Variants in REEP3 observed in about 807,000 individuals in gnomAD.
REEP3 encodes the protein receptor accessory protein 3.
In REEP3, 20 loss-of-function variants were observed where a neutral mutation model predicts 41.3. That is an observed-to-expected ratio of 0.48 (90% CI 0.34 to 0.70). REEP3 has a LOEUF of 0.70. REEP3 is among the 30% of genes least tolerant of loss of function. REEP3 has a pLI of 0.01. For synonymous variants in REEP3, 104 were observed against 101.8 expected (o/e 1.02, Z -0.13); for missense variants, 271 against 308.8 (o/e 0.88, Z 0.92).
Position 63,574,118 on chromosome 10 carries a change from C to G in REEP3, c.105+7708C>G, listed in dbSNP as rs1260163347. 2.6e-5 allele frequency among the ~76,000 whole-genome samples: 4 copies of G among 152,286 alleles called. No individual in the cohort carries two copies. The East Asian group carries it at 7.7e-4, about 29-fold the overall frequency. ...CTAGTTCAAACTCTTTTATCTGAAT[C>G]TTTTAGCATTTATTGCCATATTCCA... is the stretch of plus-strand genomic sequence containing the variant. On this transcript the variant is annotated intron_variant, in intron 2 of 7. Transcript: ENST00000373758.
chr10:63,605,065 C>G (rs1356120979), intron 5 of REEP3, among the ~76,000 whole-genome samples: 1 of 151,920 alleles, frequency 6.6e-6, no homozygotes, highest in Non-Finnish European at 1.5e-5. Flanking sequence ...ACAGGACGTT[C>G]CCCACAACAA....
At chr10:63,527,277 A>G (rs1955373866) in intron 1 of REEP3, among the ~76,000 whole-genome samples, 1 of 151,876 alleles carries the variant, frequency 6.6e-6, no homozygotes, top group African/African-American at 2.4e-5. Context: ...CCAACATGCT[A>G]TTACTTCTCC....
At chr10:63,529,342 C>A (rs1297940425) in intron 1 of REEP3, among the ~76,000 whole-genome samples, 1 of 152,074 alleles carries the variant, frequency 6.6e-6, no homozygotes, top group Non-Finnish European at 1.5e-5. Context: ...ACCTTGGTAA[C>A]CTAGCTAAAA....
intron 1 of REEP3, among the ~76,000 whole-genome samples, chr10:63,548,977 G>GT (rs1007833362): frequency 1.4e-3 from 205 of 146,300 alleles, no homozygotes; most frequent in Middle Eastern, 3.6e-3. Context: ...TGCCCTTTGA[G>GT]TTTTTTTTTT....
intron 1 of REEP3, among the ~76,000 whole-genome samples, chr10:63,563,846 GT>G (rs1002423488): frequency 5.9e-5 from 9 of 152,052 alleles, no homozygotes; most frequent in African/African-American, 2.2e-4. Flanking sequence ...GACCTCTGTG[GT>G]TTTCCTCCCG....
At chr10:63,606,050 A>G in intron 5 of REEP3, 1 of 718,540 alleles carries the variant, frequency 1.4e-6, no homozygotes, top group Non-Finnish European at 1.7e-6. Flanking sequence ...TCTACAGAAT[A>G]CTTAATTACC....
At chr10:63,528,771 G>A (rs907245730) in intron 1 of REEP3, among the ~76,000 whole-genome samples, 1 of 151,916 alleles carries the variant, frequency 6.6e-6, no homozygotes, top group East Asian at 1.9e-4. Context: ...TAAGACCTGA[G>A]AGCCTGGGCA....
At chr10:63,564,048 C>T (rs1421284216) in intron 1 of REEP3, among the ~76,000 whole-genome samples, 3 of 152,094 alleles carry the variant, frequency 2.0e-5, no homozygotes, top group Admixed American at 1.3e-4. Flanking sequence ...TAGGTAAAAA[C>T]TAAGGAAACC....
intron 1 of REEP3, among the ~76,000 whole-genome samples, chr10:63,535,231 A>G (rs1020389652): frequency 2.6e-5 from 4 of 152,190 alleles, no homozygotes; most frequent in Admixed American, 2.0e-4. Context: ...GATGGTAGAA[A>G]TGGGTTCAAA....
At chr10:63,617,117 T>C (rs1956317975) in intron 6 of REEP3, among the ~76,000 whole-genome samples, 1 of 152,124 alleles carries the variant, frequency 6.6e-6, no homozygotes, top group African/African-American at 2.4e-5. Context: ...AAGCCCTAGC[T>C]ACTCTCCTCA....
chr10:63,580,161 T>G (rs1589874806), intron 2 of REEP3, among the ~76,000 whole-genome samples: 1 of 151,764 alleles, frequency 6.6e-6, no homozygotes, highest in Non-Finnish European at 1.5e-5. Context: ...GGTGGGGGGG[T>G]GGTATTGCTC....
chr10:63,556,662 G>A (rs1249692190), intron 1 of REEP3, among the ~76,000 whole-genome samples: 1 of 117,546 alleles, frequency 8.5e-6, no homozygotes, highest in Admixed American at 9.4e-5. Context: ...TTGAGACGGA[G>A]TCTCGCTCTG....
At chr10:63,601,887 C>T (rs1956174820) in intron 5 of REEP3, among the ~76,000 whole-genome samples, 1 of 152,036 alleles carries the variant, frequency 6.6e-6, no homozygotes. Flanking sequence ...CGCCATTGCA[C>T]TCCAGCCTAG....
At chr10:63,533,708 A>ATTTTTTTTTTTTTTTTTT (rs1464023228) in intron 1 of REEP3, among the ~76,000 whole-genome samples, 7 of 93,916 alleles carry the variant, frequency 7.5e-5, no homozygotes, top group Non-Finnish European at 1.0e-4. Context: ...AAGTATGTAA[A>ATTTTTTTTTTTTTTTTTT]TCTTTTTTTT....
At chr10:63,588,213 TC>T (rs1303778663) in intron 2 of REEP3, among the ~76,000 whole-genome samples, 2 of 152,194 alleles carry the variant, frequency 1.3e-5, no homozygotes, top group African/African-American at 4.8e-5. Context: ...ACTCTTTTCT[TC>T]CTTTCTATCT....
chr10:63,581,660 T>C (rs1955955293), intron 2 of REEP3, among the ~76,000 whole-genome samples: 1 of 152,004 alleles, frequency 6.6e-6, no homozygotes, highest in African/African-American at 2.4e-5. Flanking sequence ...GGAAGATCGC[T>C]TGAGCCCAAG....
intron 1 of REEP3, among the ~76,000 whole-genome samples, chr10:63,534,256 T>G (rs1002457985): frequency 1.3e-5 from 2 of 152,106 alleles, no homozygotes; most frequent in African/African-American, 4.8e-5. Context: ...TTTTATTTTT[T>G]TTTTGTTTTT....
At chr10:63,530,623 C>T (rs1376113845) in intron 1 of REEP3, among the ~76,000 whole-genome samples, 2 of 152,142 alleles carry the variant, frequency 1.3e-5, no homozygotes, top group African/African-American at 4.8e-5. Context: ...CTTTATTAGC[C>T]TGCATTTCAA....
At chr10:63,594,144 G>A (rs962441632) in intron 2 of REEP3, among the ~76,000 whole-genome samples, 11 of 151,304 alleles carry the variant, frequency 7.3e-5, no homozygotes, top group Admixed American at 2.0e-4. Context: ...TTGGGAGGCC[G>A]AGACGGACAG....
Sources: allele counts gnomAD v4.1 joint callset (sites outside exome capture counted in the v4.1 genomes callset), GRCh38; gene constraint gnomAD v4.1.1; transcripts MANE v1.5; gene names NCBI Gene and HGNC (gene_info 2026-07-23, HGNC 2026-07-21).